PACRGL: variants seen among roughly 807,000 people sequenced by gnomAD.
PACRGL encodes the protein PACRG-like protein.
Under a neutral mutation model 34.5 loss-of-function variants are expected in PACRGL, and 38 were observed. The ratio of observed to expected loss-of-function variants is 1.10; its 90% CI spans 0.85 to 1.44. PACRGL has a LOEUF of 1.44. Among genes scored for constraint, PACRGL ranks in the 40% most tolerant of loss-of-function variants. The probability of loss-of-function intolerance (pLI) is 0.00; values close to 1 mark genes in which losing one functional copy is unlikely to be tolerated. For missense variants in PACRGL, 305 were observed against 281.4 expected (o/e 1.08, Z -0.60); for synonymous variants, 128 against 100.1 (o/e 1.28, Z -1.66).
chr4:20,706,207 A>G (rs1182631875), intron 3 of PACRGL, among the ~76,000 whole-genome samples: 1 of 152,106 alleles, frequency 6.6e-6, no homozygotes, highest in African/African-American at 2.4e-5. Flanking sequence ...GGAAGATGAA[A>G]CCATGATTAT....
the PACRGL span, among the ~76,000 whole-genome samples, chr4:20,760,696 A>C: frequency 1.3e-5 from 2 of 152,276 alleles, no homozygotes; most frequent in South Asian, 2.1e-4. Flanking sequence ...ACTTTGTTAC[A>C]CACTAAGCCA....
At chr4:20,755,583 A>T (rs1032029305), downstream of PACRGL, among the ~76,000 whole-genome samples, 2 of 152,184 alleles carry the variant, frequency 1.3e-5, no homozygotes, top group Non-Finnish European at 2.9e-5. Context: ...TCTAGTGGAG[A>T]GAAAGAAACA....
At chr4:20,699,233 T>TA, upstream of PACRGL, among the ~76,000 whole-genome samples, 1 of 150,614 alleles carries the variant, frequency 6.6e-6, no homozygotes, top group African/African-American at 2.4e-5. Context: ...ATTTTTTTTT[T>TA]TAAAAATTTC....
chr4:20,759,971 A>G, the PACRGL span, among the ~76,000 whole-genome samples: 2 of 152,192 alleles, frequency 1.3e-5, no homozygotes, highest in Non-Finnish European at 2.9e-5. Context: ...GAACCTGCAG[A>G]TAAGAGAAGT....
downstream of PACRGL, among the ~76,000 whole-genome samples, chr4:20,755,083 T>C (rs1024619972): frequency 6.6e-6 from 1 of 152,172 alleles, no homozygotes; most frequent in Non-Finnish European, 1.5e-5. Flanking sequence ...TCAGGTACTA[T>C]TACCAATACC....
intron 8 of PACRGL, among the ~76,000 whole-genome samples, chr4:20,745,968 G>A (rs1752329929): frequency 6.6e-6 from 1 of 152,182 alleles, no homozygotes; most frequent in African/African-American, 2.4e-5. Context: ...GAAGACTGTG[G>A]CGATTCCTCA....
At chr4:20,733,634 C>T (rs1748888128), downstream of PACRGL, among the ~76,000 whole-genome samples, 1 of 152,114 alleles carries the variant, frequency 6.6e-6, no homozygotes, top group Non-Finnish European at 1.5e-5. Context: ...ATGTGTTAAA[C>T]ACAGAGGTAA....
the PACRGL span, among the ~76,000 whole-genome samples, chr4:20,764,288 A>G: frequency 6.6e-6 from 1 of 152,184 alleles, no homozygotes; most frequent in Non-Finnish European, 1.5e-5. Flanking sequence ...TAAAGTTTTA[A>G]TAAGACAAAA....
rs1652452354 is a variant in PACRGL, at chr4:20,728,441, T to C, written c.*1100T>C. On this transcript the variant is annotated 3_prime_UTR_variant, in exon 9 of 9. Transcript: ENST00000503585. The stretch of plus-strand genomic sequence containing the variant: ...ATAGACATAGTTCAGAATTTTGATG[T>C]AATAGAAGCAATTCCCTCTGGCTAC... 1 of 152,214 alleles carries C rather than the reference T, an allele frequency of 6.6e-6. No homozygotes were observed. Among genetic ancestry groups the C allele is most frequent in the Non-Finnish European group, 1.5e-5 (1 of 68,042 alleles). The allele number at this position is 152,214 out of a possible 1,614,324, so 9.4% of individuals were successfully genotyped here. A position where few individuals can be genotyped will look rare whatever the true frequency, so the allele number is the denominator to read the frequency against.
the PACRGL span, among the ~76,000 whole-genome samples, chr4:20,757,948 A>G: frequency 6.6e-6 from 1 of 152,178 alleles, no homozygotes; most frequent in Non-Finnish European, 1.5e-5. Context: ...CTGTGCTCTC[A>G]GAATATTATT....
At chr4:20,706,689 C>T (rs1390347426) in intron 3 of PACRGL, among the ~76,000 whole-genome samples, 2 of 152,026 alleles carry the variant, frequency 1.3e-5, no homozygotes, top group Non-Finnish European at 2.9e-5. Context: ...CATTCTCCTG[C>T]CTCAGCCTCC....
At chr4:20,765,596 T>C in the PACRGL span, among the ~76,000 whole-genome samples, 5 of 152,204 alleles carry the variant, frequency 3.3e-5, no homozygotes, top group African/African-American at 1.2e-4. Flanking sequence ...AGTAATGGGC[T>C]GAGGAAAATG....
At position 20,731,949 on chromosome 4, in the gene PACRGL, A is replaced by G. The variant is rs1748371255; in HGVS notation, c.*4608A>G. 3.1e-6 allele frequency: 5 copies of G among 1,603,646 alleles called. No homozygotes were observed. The highest frequency in any genetic ancestry group is 4.3e-6 in the Non-Finnish European group (5 of 1,175,546). ...CAGTTCATGGTAGCTAGCTGCTAAT[A>G]CTCAGTTTAGCTGTTATGATAGCTG... On this transcript the variant is annotated 3_prime_UTR_variant, in exon 9 of 9. Coordinates refer to ENST00000503585, the MANE Select transcript of PACRGL (RefSeq NM_001258345.3).
downstream of PACRGL, among the ~76,000 whole-genome samples, chr4:20,735,928 A>G (rs1034491348): frequency 2.0e-5 from 3 of 152,204 alleles, no homozygotes; most frequent in Admixed American, 2.0e-4. Context: ...AGCAGAGGGG[A>G]AATCCAAAAG....
intron 1 of PACRGL, chr4:20,701,982 G>A: frequency 2.2e-6 from 1 of 452,046 alleles, no homozygotes; most frequent in Non-Finnish European, 4.4e-6. Context: ...TTGCATTACT[G>A]TATGTTTAAT....
At chr4:20,756,661 T>C (rs1754490021), downstream of PACRGL, among the ~76,000 whole-genome samples, 1 of 151,918 alleles carries the variant, frequency 6.6e-6, no homozygotes, top group Admixed American at 6.6e-5. Flanking sequence ...CACTCCCTAG[T>C]AGTTCATCCA....
downstream of PACRGL, among the ~76,000 whole-genome samples, chr4:20,755,536 A>C (rs552394341): frequency 6.6e-6 from 1 of 152,218 alleles, no homozygotes; most frequent in Non-Finnish European, 1.5e-5. Flanking sequence ...AACAGTAAAC[A>C]AAGTGGAGAA....
In PACRGL at chr4:20,722,301, G is replaced by A. The variant is rs1201804271; in HGVS notation, c.610-2507G>A. 6.6e-5 allele frequency among the ~76,000 whole-genome samples: 10 copies of A among 152,296 alleles called. 1 individual carries two copies. The South Asian group carries it at 1.2e-3, about 19-fold the overall frequency. ...GTGAGGCGATGCCTCGCCCTGCTTCGGCTCACACTTGGTGCGCTATACCCG... is the reference window on the plus strand; with the variant it reads ...GTGAGGCGATGCCTCGCCCTGCTTCAGCTCACACTTGGTGCGCTATACCCG... On this transcript the variant is annotated intron_variant, in intron 7 of 8. Transcript: ENST00000503585.
At chr4:20,712,681 C>A in intron 5 of PACRGL, 107 bp from the exon 6 acceptor site, 1 of 1,008,472 alleles carries the variant, frequency 9.9e-7, no homozygotes, top group Non-Finnish European at 1.3e-6. Context: ...ATTAGGAAAA[C>A]AATAATGAAA....
Sources: gnomAD v4.1 joint callset for allele counts (sites outside exome capture counted in the v4.1 genomes callset) on GRCh38, gnomAD v4.1.1 for gene constraint, MANE v1.5 for transcripts, NCBI Gene and HGNC (gene_info 2026-07-23, HGNC 2026-07-21) for gene names.